Variants in C1QBP observed in about 807,000 individuals in gnomAD.
C1QBP encodes complement component 1 Q subcomponent-binding protein, mitochondrial.
In C1QBP, 24 loss-of-function variants were observed where a neutral mutation model predicts 29.4. The ratio of observed to expected loss-of-function variants is 0.82; its 90% CI spans 0.59 to 1.15. The LOEUF (loss-of-function observed/expected upper bound fraction) is 1.15, where lower values mean the gene tolerates loss of function less well. Among genes scored for constraint, C1QBP ranks in the 50% most tolerant of loss-of-function variants. The pLI is 0.00. For synonymous variants in C1QBP, 182 were observed against 149.2 expected (o/e 1.22, Z -1.60); for missense variants, 337 against 355.8 (o/e 0.95, Z 0.43).
chr17:5,434,961 G>T lies in C1QBP; in HGVS notation c.389C>A (p.Thr130Lys), dbSNP rs56014026. ...GCTGTTGTTAATGTTGAAAGTGACC[G>T]TGATTCTAAAACGGCAAGGGAAAAC... is the stretch of plus-strand genomic sequence containing the variant. ...LVRKVAGEKI[T>K]VTFNINNSIP... is the part of the protein sequence containing the mutation. Residue 130 changes from threonine (T) to lysine (K), a missense_variant, in exon 3 of 6, where the codon ACG (threonine) becomes AAG (lysine). By Grantham distance (78) the Thr-to-Lys change is moderately conservative. Transcript: ENST00000225698. The T allele has an allele frequency of 6.2e-7, 1 of 1,613,688 alleles. No individual in the cohort carries two copies. Among genetic ancestry groups the T allele is most frequent in the East Asian group, 2.2e-5 (1 of 44,870 alleles).
intron 2 of C1QBP, among the ~76,000 whole-genome samples, chr17:5,437,077 G>A (rs540546092): frequency 1.3e-5 from 2 of 152,060 alleles, no homozygotes; most frequent in Non-Finnish European, 2.9e-5. Context: ...ATCCCATAGA[G>A]AAAGTAGCTT....
At chr17:5,436,827 G>A (rs946019103) in intron 2 of C1QBP, among the ~76,000 whole-genome samples, 4 of 152,164 alleles carry the variant, frequency 2.6e-5, no homozygotes, top group Non-Finnish European at 2.9e-5. Flanking sequence ...AGACCAGCCT[G>A]GCCAACACGG....
In C1QBP at chr17:5,439,115, C is replaced by G. The variant is rs1174515150; in HGVS notation, c.-42G>C. ...AACACGTGCAGATGCAAAGGACAACCCAGGCCTAGGCGCCCCGCGACCTGA... is the reference window on the plus strand; with the variant it reads ...AACACGTGCAGATGCAAAGGACAACGCAGGCCTAGGCGCCCCGCGACCTGA... On this transcript the variant is annotated 5_prime_UTR_variant, in exon 1 of 6. Coordinates refer to ENST00000225698, the MANE Select transcript of C1QBP (RefSeq NM_001212.4). The G allele has an allele frequency of 3.3e-5, 51 of 1,537,062 alleles. No individual in the cohort carries two copies. Among genetic ancestry groups the G allele is most frequent in the Non-Finnish European group, 4.3e-5 (49 of 1,141,782 alleles).
At position 5,434,920 on chromosome 17, in the gene C1QBP, C is replaced by G. The variant is rs1279310755; in HGVS notation, c.430G>C (p.Asp144His). 1.2e-6 allele frequency: 2 copies of G among 1,614,012 alleles called. No homozygotes were observed. The highest frequency in any genetic ancestry group is 2.7e-5 in the African/African-American group (2 of 74,928). ...CCTTGCGAGGGTTCCTCCTCACCAT[C>G]AAATGTTGGTGGGATGCTGTTGTTA... ...NINNSIPPTF[D>H]GEEEPSQGQK... is the part of the protein sequence containing the mutation. The change falls in exon 3 of 6, where the codon GAT becomes CAT. Residue 144 changes from aspartate to histidine, a missense_variant. Asp to His is a moderately conservative substitution (Grantham distance 81). Transcript: ENST00000225698.
At chr17:5,436,866 A>T (rs1916287287) in intron 2 of C1QBP, among the ~76,000 whole-genome samples, 1 of 152,114 alleles carries the variant, frequency 6.6e-6, no homozygotes, top group African/African-American at 2.4e-5. Context: ...AAAAATACAA[A>T]AATTAACCGG....
Position 5,438,675 on chromosome 17 carries a change from C to T in C1QBP, c.232+167G>A. ...CCCCTACCAAAAGAAAACGAAACTGCTGGATAGGGGAGGTGGGGGAAATAT... is the reference window on the plus strand; with the variant it reads ...CCCCTACCAAAAGAAAACGAAACTGTTGGATAGGGGAGGTGGGGGAAATAT... On this transcript the variant is annotated intron_variant, in intron 1 of 5. Transcript: ENST00000225698. 43 of 1,413,690 alleles carry T rather than the reference C, an allele frequency of 3.0e-5. No homozygotes were observed. In the South Asian group the frequency reaches 4.2e-4, roughly 14 times the overall value. 87.6% of individuals were successfully genotyped at this position (1,413,690 alleles called of 1,614,324 possible).
At chr17:5,433,213 T>A in intron 5 of C1QBP, 49 bp from the exon 6 acceptor site, 2 of 1,609,446 alleles carry the variant, frequency 1.2e-6, no homozygotes, top group Non-Finnish European at 1.7e-6. Context: ...TAATGAACAT[T>A]AAAATGCTTT....
chr17:5,436,829 C>T (rs536254186), intron 2 of C1QBP, among the ~76,000 whole-genome samples: 1 of 152,254 alleles, frequency 6.6e-6, no homozygotes, highest in Non-Finnish European at 1.5e-5. Context: ...ACCAGCCTGG[C>T]CAACACGGTG....
rs747687245 is a variant in C1QBP at position 5,439,095 on chromosome 17, G to C, written c.-22C>G. ...GCATCGCGGAAACGACTGCGAACAC[G>C]TGCAGATGCAAAGGACAACCCAGGC... On this transcript the variant is annotated 5_prime_UTR_variant, in exon 1 of 6. Transcript: ENST00000225698. The C allele has an allele frequency of 9.7e-6, 15 of 1,540,280 alleles. No individual in the cohort carries two copies. In the East Asian group the frequency reaches 2.7e-4, roughly 28 times the overall value.
Position 5,438,110 on chromosome 17 carries a change from G to C in C1QBP, c.383+13C>G. The C allele has an allele frequency of 6.2e-7, 1 of 1,611,480 alleles. No individual in the cohort carries two copies. Among genetic ancestry groups the C allele is most frequent in the Non-Finnish European group, 8.5e-7 (1 of 1,179,566 alleles). On this transcript the variant is annotated intron_variant, in intron 2 of 5. Coordinates refer to ENST00000225698, the MANE Select transcript of C1QBP (RefSeq NM_001212.4). ...GGGAGTTGCTGCCCTGGGATCCCCA[G>C]ACCAGTACTTACTTTTCCCCGGCAA...
At chr17:5,436,323 CA>C (rs961323453) in intron 2 of C1QBP, among the ~76,000 whole-genome samples, 1 of 151,212 alleles carries the variant, frequency 6.6e-6, no homozygotes, top group African/African-American at 2.5e-5. Context: ...CTGTGTAGGG[CA>C]AAAACACACT....
chr17:5,434,768 G>C, intron 3 of C1QBP, 105 bp downstream of exon 3: 3 of 1,022,062 alleles, frequency 2.9e-6, no homozygotes, highest in Non-Finnish European at 2.9e-6. Flanking sequence ...ACTGGACTTA[G>C]AGGAATTTTT....
intron 1 of C1QBP, chr17:5,438,574 A>G: frequency 1.3e-6 from 1 of 750,494 alleles, no homozygotes; most frequent in Non-Finnish European, 2.1e-6. Context: ...AACCACGACC[A>G]TGGGCCTTCC....
In C1QBP at chr17:5,438,311, G is replaced by A. The variant is rs372813219; in HGVS notation, c.233-38C>T. On this transcript the variant is annotated intron_variant, in intron 1 of 5. Coordinates refer to ENST00000225698, the MANE Select transcript of C1QBP (RefSeq NM_001212.4). ...TCCAGATACATAAAAAGGAAAGCCA[G>A]TTAGTCTAAAACATAAAACTATTAC... 20 of 1,605,278 alleles carry A rather than the reference G, an allele frequency of 1.2e-5. No homozygotes were observed. In the African/African-American group the frequency reaches 2.4e-4, roughly 19 times the overall value.
chr17:5,437,778 C>T (rs1006782368), intron 2 of C1QBP, among the ~76,000 whole-genome samples: 1 of 152,154 alleles, frequency 6.6e-6, no homozygotes, highest in Non-Finnish European at 1.5e-5. Context: ...CAGTGTAACC[C>T]CATCCTGTTA....
chr17:5,433,470 A>G (rs1487915352), intron 4 of C1QBP, 55 bp from the exon 5 acceptor site: 9 of 1,606,238 alleles, frequency 5.6e-6, no homozygotes, highest in Middle Eastern at 1.6e-4. Flanking sequence ...AGCTAGACTC[A>G]GGGGAAGAAA....
At position 5,433,123 on chromosome 17, in the gene C1QBP, C is replaced by G; in HGVS notation, c.741G>C (p.Gly247=). ...GCTCATCTGCAAAAGTGTTGTCCAC[C>G]CCTCGGTCGGCAAGGAAATCCATTA... The part of the protein sequence containing the change: ...DHLMDFLADR[G]VDNTFADELV... Residue 247 remains glycine (G), a synonymous_variant, in exon 6 of 6, where the codon GGG becomes GGC. Transcript: ENST00000225698. 1.2e-6 allele frequency: 2 copies of G among 1,614,102 alleles called. No individual in the cohort carries two copies. The highest frequency in any genetic ancestry group is 1.7e-6 in the Non-Finnish European group (2 of 1,180,022).
Position 5,432,797 on chromosome 17 carries a change from T to TATC in C1QBP, c.*217_*218insGAT. The TATC allele has an allele frequency of 1.3e-6, 1 of 799,266 alleles. No homozygotes were observed. The highest frequency in any genetic ancestry group is 2.3e-5 in the South Asian group (1 of 43,686). 49.5% of individuals were successfully genotyped at this position (799,266 alleles called of 1,614,324 possible). A position where few individuals can be genotyped will look rare whatever the true frequency, so the allele number is the denominator to read the frequency against. On this transcript the variant is annotated 3_prime_UTR_variant, in exon 6 of 6. Coordinates refer to ENST00000225698, the MANE Select transcript of C1QBP (RefSeq NM_001212.4). The stretch of plus-strand genomic sequence containing the variant: ...CTGCCTTGGAGGAGATAAACCAATT[T>TATC]TATGTCTATCATGTTATACAAAAAT...
chr17:5,436,386 A>G (rs1178515080), intron 2 of C1QBP, among the ~76,000 whole-genome samples: 1 of 151,554 alleles, frequency 6.6e-6, no homozygotes, highest in Non-Finnish European at 1.5e-5. Flanking sequence ...TTCAAAATGA[A>G]TCACAGACCT....
Sources: gnomAD v4.1 joint callset for allele counts (sites outside exome capture counted in the v4.1 genomes callset) on GRCh38, gnomAD v4.1.1 for gene constraint, MANE v1.5 for transcripts, NCBI Gene and HGNC (gene_info 2026-07-23, HGNC 2026-07-21) for gene names.